The following DNAJC13 variants were observed in gnomAD, a reference collection of about 807,000 sequenced individuals.
The protein encoded by DNAJC13 is DnaJ heat shock protein family (Hsp40) member C13.
Under a neutral mutation model 290.5 loss-of-function variants are expected in DNAJC13, and 75 were observed. That is an observed-to-expected ratio of 0.26 (90% CI 0.21 to 0.31). The LOEUF (loss-of-function observed/expected upper bound fraction) is 0.31, where lower values mean the gene tolerates loss of function less well. DNAJC13 is among the 10% of genes least tolerant of loss of function. The probability of loss-of-function intolerance (pLI) is 1.00; values close to 1 mark genes in which losing one functional copy is unlikely to be tolerated. For missense variants in DNAJC13, 2,260 were observed against 2,674.5 expected, an observed-to-expected ratio of 0.85 and a Z score of 3.42; for synonymous variants, 862 against 892.0, an observed-to-expected ratio of 0.97 and a Z score of 0.60.
At chr3:132,481,530 A>G (rs906481426) in intron 26 of DNAJC13, among the ~76,000 whole-genome samples, 2 of 152,202 alleles carry the variant, frequency 1.3e-5, no homozygotes, top group African/African-American at 4.8e-5. Context: ...GCAGTGAGGC[A>G]TTTTTGTGCC....
intron 1 of DNAJC13, among the ~76,000 whole-genome samples, chr3:132,422,046 T>C (rs1185373190): frequency 1.3e-5 from 2 of 151,820 alleles, no homozygotes; most frequent in Non-Finnish European, 2.9e-5. Context: ...TTTTTTTTTT[T>C]CTTTTTTCAG....
intron 5 of DNAJC13, among the ~76,000 whole-genome samples, chr3:132,449,166 A>G (rs1378402379): frequency 6.6e-6 from 1 of 152,120 alleles, no homozygotes; most frequent in Non-Finnish European, 1.5e-5. Flanking sequence ...ATTCCACCCC[A>G]AATACTGTGC....
chr3:132,467,167 C>T lies in DNAJC13; in HGVS notation c.2065-3C>T. The T allele has an allele frequency of 6.2e-7, 1 of 1,608,098 alleles. No homozygotes were observed. On this transcript the variant is annotated splice_region_variant and splice_polypyrimidine_tract_variant and intron_variant, in intron 19 of 55. Coordinates refer to ENST00000260818, the MANE Select transcript of DNAJC13 (RefSeq NM_015268.4). ...TGTAATGGATTCCAACATTATTTTA[C>T]AGGATCAGTATGGAAAATTTAATAA... is the stretch of plus-strand genomic sequence containing the variant.
At chr3:132,470,536 G>A (rs1358751287) in intron 20 of DNAJC13, among the ~76,000 whole-genome samples, 4 of 136,396 alleles carry the variant, frequency 2.9e-5, no homozygotes, top group Non-Finnish European at 4.8e-5. Flanking sequence ...CCGGGCAGAG[G>A]GGCTCCTCAC....
intron 3 of DNAJC13, 140 bp downstream of exon 3, chr3:132,446,690 A>G (rs1260843234): frequency 1.8e-6 from 1 of 558,680 alleles, no homozygotes. Context: ...TGCTTACATA[A>G]TACTCTGATT....
In DNAJC13 at chr3:132,522,813, A is replaced by G. The variant is rs1936131090; in HGVS notation, c.5674-15A>G. The stretch of plus-strand genomic sequence containing the variant: ...CCAATAGGTGTCTTTTTCATTCTCA[A>G]ACTTCCTCGTATAGGTTCGAATTAC... On this transcript the variant is annotated splice_polypyrimidine_tract_variant and intron_variant, in intron 48 of 55. Transcript: ENST00000260818. 5 of 1,577,778 alleles carry G rather than the reference A, an allele frequency of 3.2e-6. No homozygotes were observed. The highest frequency in any genetic ancestry group is 1.2e-5 in the South Asian group (1 of 84,356).
chr3:132,448,679 C>T (rs966034414), intron 5 of DNAJC13, among the ~76,000 whole-genome samples: 2 of 152,106 alleles, frequency 1.3e-5, no homozygotes, highest in African/African-American at 2.4e-5. Flanking sequence ...TTCTGATATG[C>T]GGGCAGCACC....
intron 42 of DNAJC13, 24 bp downstream of exon 42, chr3:132,505,439 C>A (rs748384246): frequency 3.4e-6 from 5 of 1,467,592 alleles, no homozygotes; most frequent in Non-Finnish European, 3.8e-6. Context: ...TTATAAATTT[C>A]TTGGGTAATT....
intron 20 of DNAJC13, among the ~76,000 whole-genome samples, chr3:132,469,981 T>A (rs1166145686): frequency 2.3e-5 from 3 of 128,606 alleles, no homozygotes; most frequent in Non-Finnish European, 3.3e-5. Context: ...TTTTTTTTTT[T>A]TTTTTTTTTT....
chr3:132,494,343 A>C (rs1935163117), intron 34 of DNAJC13, 84 bp downstream of exon 34: 7 of 1,080,690 alleles, frequency 6.5e-6, no homozygotes, highest in Non-Finnish European at 9.8e-6. Flanking sequence ...TAAATCAATC[A>C]TTTTAAAATC....
Position 132,420,168 on chromosome 3 carries a change from T to C in DNAJC13, c.-14+2408T>C, listed in dbSNP as rs77715256. Among the ~76,000 whole-genome samples, 816 of 152,306 alleles carry C rather than the reference T, an allele frequency of 5.4e-3. 3 individuals are homozygous for C. Among genetic ancestry groups the C allele is most frequent in the Middle Eastern group, 0.01 (3 of 294 alleles). ...ATGATGAAAGCTGAATGCACAATCT[T>C]GCAAACTCTTATCCACAAACCTCCC... is the stretch of plus-strand genomic sequence containing the variant. On this transcript the variant is annotated intron_variant, in intron 1 of 55. Coordinates refer to ENST00000260818, the MANE Select transcript of DNAJC13 (RefSeq NM_015268.4).
At chr3:132,533,312 G>A (rs973218347) in intron 55 of DNAJC13, among the ~76,000 whole-genome samples, 6 of 149,520 alleles carry the variant, frequency 4.0e-5, no homozygotes, top group East Asian at 2.0e-4. Context: ...GATTACAGGC[G>A]TGAGCCAGCA....
rs1413836291 is a variant in DNAJC13 at position 132,480,427 on chromosome 3, C to G, written c.2831C>G (p.Thr944Ser). ...ATAAGAATCCTTGTGGACTTGCTTACCCTTGCACATCTCCATGTAAGCCGA... is the reference window on the plus strand; with the variant it reads ...ATAAGAATCCTTGTGGACTTGCTTAGCCTTGCACATCTCCATGTAAGCCGA... The part of the protein sequence containing the change: ...NGIRILVDLL[T>S]LAHLHVSRAT... The change falls in exon 26 of 56, where the codon ACC becomes AGC. Residue 944 changes from threonine to serine, a missense_variant. By Grantham distance (58) the Thr-to-Ser change is moderately conservative. This residue lies in a region of DNAJC13 where 1,494 missense variants were observed against 1,693.7 expected (regional missense o/e 0.88). Transcript: ENST00000260818. 6.2e-7 allele frequency: 1 copy of G among 1,613,580 alleles called. No individual in the cohort carries two copies. The highest frequency in any genetic ancestry group is 8.5e-7 in the Non-Finnish European group (1 of 1,179,668).
At chr3:132,526,427 A>C (rs1190515977) in intron 53 of DNAJC13, 146 bp downstream of exon 53, 1 of 891,700 alleles carries the variant, frequency 1.1e-6, no homozygotes, top group Admixed American at 2.7e-5. Context: ...TTTATATTTT[A>C]TATATACAAA....
intron 55 of DNAJC13, among the ~76,000 whole-genome samples, chr3:132,535,977 G>A (rs1377959030): frequency 6.6e-6 from 1 of 152,154 alleles, no homozygotes; most frequent in East Asian, 1.9e-4. Context: ...AGAGGCAAAT[G>A]ATGGTACTAA....
chr3:132,522,229 C>T (rs545604169), intron 48 of DNAJC13, among the ~76,000 whole-genome samples: 1 of 152,274 alleles, frequency 6.6e-6, no homozygotes, highest in African/African-American at 2.4e-5. Context: ...AAAACACTTT[C>T]CCAACCCTCA....
Position 132,461,124 on chromosome 3 carries a change from T to C in DNAJC13, c.1632T>C (p.Ser544=). ...FLTFALCAPY[S]ETTEGQQFDM... ...CCTTTGCCCTCTGTGCTCCATATAG[T>C]GAGACAACTGAAGGGCAGCAGTTTG... is the stretch of plus-strand genomic sequence containing the variant. The change falls in exon 15 of 56, where the codon AGT becomes AGC. Residue 544 remains serine (S), a synonymous_variant. Coordinates refer to ENST00000260818, the MANE Select transcript of DNAJC13 (RefSeq NM_015268.4). 1 of 1,614,064 alleles carries C rather than the reference T, an allele frequency of 6.2e-7. No individual in the cohort carries two copies. The highest frequency in any genetic ancestry group is 2.2e-5 in the East Asian group (1 of 44,862).
intron 1 of DNAJC13, among the ~76,000 whole-genome samples, chr3:132,431,581 T>G (rs1405420483): frequency 6.6e-6 from 1 of 152,136 alleles, no homozygotes; most frequent in East Asian, 1.9e-4. Context: ...GCAGGACGAA[T>G]GAAGACAGCA....
At chr3:132,426,594 GACTGTT>G (rs924794552) in intron 1 of DNAJC13, among the ~76,000 whole-genome samples, 94 of 152,188 alleles carry the variant, frequency 6.2e-4, no homozygotes, top group African/African-American at 2.2e-3. Context: ...GCTTATATTT[GACTGTT>G]ACTGATATTA....
Sources: gnomAD v4.1 joint callset for allele counts (sites outside exome capture counted in the v4.1 genomes callset) on GRCh38, gnomAD v4.1.1 for gene constraint, gnomAD v4.1.1 regional missense constraint, MANE v1.5 for transcripts, NCBI Gene and HGNC (gene_info 2026-07-23, HGNC 2026-07-21) for gene names.